CRAMP1: variants seen among roughly 807,000 people sequenced by gnomAD.
CRAMP1 encodes the protein cramped chromatin regulator 1.
In CRAMP1, 50 loss-of-function variants were observed where a neutral mutation model predicts 115.4. That is an observed-to-expected ratio of 0.43 (90% CI 0.35 to 0.55). CRAMP1 has a LOEUF of 0.55. Among genes scored for constraint, CRAMP1 ranks in the 20% least tolerant of loss-of-function variants. The pLI, the probability that CRAMP1 is intolerant of heterozygous loss-of-function variation, is 0.01. For synonymous variants in CRAMP1, 866 were observed against 745.4 expected, an observed-to-expected ratio of 1.16 and a Z score of -2.64; for missense variants, 1,679 against 1,721.7, an observed-to-expected ratio of 0.98 and a Z score of 0.44.
chr16:1,672,037 G>A lies in CRAMP1; in HGVS notation c.3645+1228G>A, dbSNP rs976615496. Among the ~76,000 whole-genome samples the A allele has an allele frequency of 2.0e-5, 3 of 152,160 alleles. No individual in the cohort carries two copies. Among genetic ancestry groups the A allele is most frequent in the African/African-American group, 2.4e-5 (1 of 41,444 alleles). On this transcript the variant is annotated intron_variant, in intron 20 of 20. Transcript: ENST00000397412. The surrounding 1 kb of genome is among the most constrained non-coding windows in gnomAD (Gnocchi z 4.9). Reference sequence around the variant, plus strand: ...TCTCTGTCTCTTCCCCTGTTTGTGCGCATGTTCCTAAGTGCTGGGCTCTGT... The same window carrying A: ...TCTCTGTCTCTTCCCCTGTTTGTGCACATGTTCCTAAGTGCTGGGCTCTGT...
chr16:1,631,610 A>C (rs1234491729), intron 3 of CRAMP1, among the ~76,000 whole-genome samples: 1 of 152,246 alleles, frequency 6.6e-6, no homozygotes, highest in Non-Finnish European at 1.5e-5. Flanking sequence ...CTGAAGCAGC[A>C]CTGAGGTGAG....
At chr16:1,655,006 T>A (rs991118920) in intron 8 of CRAMP1, among the ~76,000 whole-genome samples, 3 of 152,376 alleles carry the variant, frequency 2.0e-5, no homozygotes, top group Non-Finnish European at 2.9e-5. Flanking sequence ...TGTTGTTTTC[T>A]TTAGCTCTGT....
chr16:1,642,992 AG>A (rs768664541), intron 6 of CRAMP1, among the ~76,000 whole-genome samples: 3 of 152,250 alleles, frequency 2.0e-5, no homozygotes, highest in Admixed American at 6.5e-5. Flanking sequence ...ACACGGGCAC[AG>A]GGAGTTCCCA....
At chr16:1,637,647 GAC>G (rs2142182847) in intron 4 of CRAMP1, among the ~76,000 whole-genome samples, 175 bp from the exon 5 acceptor site, 1 of 152,198 alleles carries the variant, frequency 6.6e-6, no homozygotes, top group East Asian at 1.9e-4. Flanking sequence ...GAAAATCGCA[GAC>G]ACAGCACCGT....
rs1047443191 is a variant in CRAMP1 at position 1,669,848 on chromosome 16, C to T, written c.3499+683C>T. On this transcript the variant is annotated intron_variant, in intron 19 of 20. Coordinates refer to ENST00000397412, the MANE Select transcript of CRAMP1 (RefSeq NM_020825.4). This position sits in a 1 kb window ranked among gnomAD's most constrained non-coding sequence, Gnocchi z 4.6. Reference sequence around the variant, plus strand: ...CAGGCATGGCGGGTACCATGCCTGACAGCTCTGAACCAGTTGGGCGACCTG... The same window carrying T: ...CAGGCATGGCGGGTACCATGCCTGATAGCTCTGAACCAGTTGGGCGACCTG... Among the ~76,000 whole-genome samples, 1 of 152,208 alleles carries T rather than the reference C, an allele frequency of 6.6e-6. No homozygotes were observed.
chr16:1,669,126 C>A lies in CRAMP1; in HGVS notation c.3460C>A (p.Pro1154Thr). The A allele has an allele frequency of 1.9e-6, 3 of 1,609,134 alleles. No homozygotes were observed. The highest frequency in any genetic ancestry group is 2.5e-6 in the Non-Finnish European group (3 of 1,177,774). ...ASPTHDPQWY[P>T]SDSTDSSLSS... is the part of the protein sequence containing the mutation. The stretch of plus-strand genomic sequence containing the variant: ...TCCCACCCACGACCCCCAGTGGTAC[C>A]CCAGTGACTCCACCGACTCCTCGCT... The change falls in exon 19 of 21, where the codon CCC becomes ACC. Residue 1154 changes from proline (P) to threonine (T), a missense_variant. Physicochemically the swap from Pro to Thr is conservative, Grantham distance 38. This residue lies in a region of CRAMP1 where 709 missense variants were observed against 741.9 expected (regional missense o/e 0.96). Transcript: ENST00000397412. The surrounding 1 kb of genome is among the most constrained non-coding windows in gnomAD (Gnocchi z 4.6).
chr16:1,650,939 C>A (rs954826674), intron 6 of CRAMP1, among the ~76,000 whole-genome samples: 1 of 152,238 alleles, frequency 6.6e-6, no homozygotes, highest in Non-Finnish European at 1.5e-5. Context: ...CCTTGGAATT[C>A]AAGTTGGTTT....
chr16:1,662,948 C>T (rs1002204677), intron 13 of CRAMP1, 113 bp downstream of exon 13: 9 of 757,830 alleles, frequency 1.2e-5, no homozygotes, highest in South Asian at 8.6e-5. Flanking sequence ...ATTCCTGCCC[C>T]TTCCTTCCCT....
rs1596499711 is a variant in CRAMP1 at position 1,669,887 on chromosome 16, C to T, written c.3499+722C>T. 6.6e-6 allele frequency among the ~76,000 whole-genome samples: 1 copy of T among 152,178 alleles called. No individual in the cohort carries two copies. Among genetic ancestry groups the T allele is most frequent in the East Asian group, 1.9e-4 (1 of 5,186 alleles). ...TTGGGCGACCTGGGTCTGGGAGGTGCTGAGGGACCCAGCACCCTGCAGGCG... is the reference window on the plus strand; with the variant it reads ...TTGGGCGACCTGGGTCTGGGAGGTGTTGAGGGACCCAGCACCCTGCAGGCG... On this transcript the variant is annotated intron_variant, in intron 19 of 20. Transcript: ENST00000397412. This position sits in a 1 kb window ranked among gnomAD's most constrained non-coding sequence, Gnocchi z 4.6.
rs2036394534 is a variant in CRAMP1, at chr16:1,614,246, G to C, written c.-1-393G>C. Among the ~76,000 whole-genome samples, 1 of 147,236 alleles carries C rather than the reference G, an allele frequency of 6.8e-6. No homozygotes were observed. Among genetic ancestry groups the C allele is most frequent in the African/African-American group, 2.4e-5 (1 of 40,890 alleles). On this transcript the variant is annotated intron_variant, in intron 1 of 20. Coordinates refer to ENST00000397412, the MANE Select transcript of CRAMP1 (RefSeq NM_020825.4). This position sits in a 1 kb window ranked among gnomAD's most constrained non-coding sequence, Gnocchi z 4.4. The stretch of plus-strand genomic sequence containing the variant: ...GGCCCCGCCGGGTAGGTGGCTGTGG[G>C]CGGGGCAGCGGCCCGGACCCGCAAC...
At chr16:1,634,874 G>A (rs1218962877) in intron 4 of CRAMP1, among the ~76,000 whole-genome samples, 1 of 152,116 alleles carries the variant, frequency 6.6e-6, no homozygotes, top group African/African-American at 2.4e-5. Context: ...CACGTTACAT[G>A]TATTTTTGGC....
intron 13 of CRAMP1, among the ~76,000 whole-genome samples, chr16:1,664,645 G>A (rs2036858586): frequency 6.6e-6 from 1 of 152,150 alleles, no homozygotes; most frequent in Non-Finnish European, 1.5e-5. Context: ...TGGGCGTGAT[G>A]GCGAGTGCCT....
At chr16:1,638,977 A>G (rs1435302061) in intron 5 of CRAMP1, among the ~76,000 whole-genome samples, 1 of 151,592 alleles carries the variant, frequency 6.6e-6, no homozygotes, top group Admixed American at 6.6e-5. Flanking sequence ...GCCCGCACTC[A>G]TGTCCGTGGG....
chr16:1,656,817 C>A lies in CRAMP1; in HGVS notation c.2060C>A (p.Thr687Lys). ...GWNLQTSESL[T>K]LAEVYLMMGK... ...AACCTGCAGACCTCCGAAAGCCTCA[C>A]GCTGGCCGAAGTCTACCTCATGATG... The change falls in exon 10 of 21, where the codon ACG becomes AAG. Residue 687 changes from threonine to lysine, a missense_variant. Thr to Lys is a moderately conservative substitution (Grantham distance 78). Around this residue, in one of 8 missense-constraint regions of CRAMP1, gnomAD observed 11 missense variants for 29.7 expected, o/e 0.37. Transcript: ENST00000397412. The surrounding 1 kb of genome is among the most constrained non-coding windows in gnomAD (Gnocchi z 5.6). The A allele has an allele frequency of 6.5e-7, 1 of 1,549,650 alleles. No homozygotes were observed. The highest frequency in any genetic ancestry group is 8.7e-7 in the Non-Finnish European group (1 of 1,146,228).
intron 2 of CRAMP1, 68 bp downstream of exon 2, chr16:1,615,053 C>T (rs1202310826): frequency 4.6e-5 from 46 of 989,750 alleles, no homozygotes; most frequent in Non-Finnish European, 6.0e-5. Flanking sequence ...GAGAGGAACC[C>T]CTCGCCCCAG....
In CRAMP1 at chr16:1,673,836, C is replaced by T. The variant is rs753453162; in HGVS notation, c.3646-45C>T. ...CAGGACCCGCCCTCCACTGAAGGGC[C>T]AGCAGGTCGCGGTGACTTGTTCTTC... On this transcript the variant is annotated intron_variant, in intron 20 of 20. Coordinates refer to ENST00000397412, the MANE Select transcript of CRAMP1 (RefSeq NM_020825.4). The T allele has an allele frequency of 1.1e-5, 17 of 1,600,888 alleles. No individual in the cohort carries two copies. In the African/African-American group the frequency reaches 2.3e-4, roughly 21 times the overall value.
chr16:1,667,928 T>A (rs1163982531), intron 17 of CRAMP1, 34 bp from the exon 18 acceptor site: 1 of 1,388,016 alleles, frequency 7.2e-7, no homozygotes, highest in East Asian at 2.4e-5. Flanking sequence ...CTGATAGACC[T>A]GGTTGTGTCT....
intron 18 of CRAMP1, 119 bp from the exon 19 acceptor site, chr16:1,668,882 C>G (rs909905429): frequency 5.6e-6 from 5 of 894,226 alleles, no homozygotes; most frequent in Admixed American, 5.1e-5. Context: ...TGCCATCCAT[C>G]TGGTTCAGCA....
intron 8 of CRAMP1, 82 bp from the exon 9 acceptor site, chr16:1,655,137 G>T: frequency 8.0e-7 from 1 of 1,249,796 alleles, no homozygotes; most frequent in Middle Eastern, 1.9e-4. Flanking sequence ...GCACCCTCCT[G>T]CTGTAAGCAG....
Sources: gnomAD v4.1 joint callset for allele counts (sites outside exome capture counted in the v4.1 genomes callset) on GRCh38, gnomAD v4.1.1 for gene constraint, gnomAD v4.1.1 regional missense constraint, Gnocchi (gnomAD v3.1) non-coding constraint, MANE v1.5 for transcripts, NCBI Gene and HGNC (gene_info 2026-07-23, HGNC 2026-07-21) for gene names.